The following TEKT5 variants were observed in gnomAD, a reference collection of about 807,000 sequenced individuals.
TEKT5 encodes tektin-5.
Under a neutral mutation model 48.7 loss-of-function variants are expected in TEKT5, and 52 were observed. That is an observed-to-expected ratio of 1.07 (90% CI 0.86 to 1.35). TEKT5 has a LOEUF of 1.35. TEKT5 is among the 40% of genes most tolerant of loss of function. The probability of loss-of-function intolerance (pLI) is 0.00; values close to 1 mark genes in which losing one functional copy is unlikely to be tolerated. For missense variants in TEKT5, 831 were observed against 641.6 expected, an observed-to-expected ratio of 1.30 and a Z score of -3.19; for synonymous variants, 318 against 267.6, an observed-to-expected ratio of 1.19 and a Z score of -1.84.
At chr16:10,663,358 T>C (rs1400767099) in intron 5 of TEKT5, among the ~76,000 whole-genome samples, 1 of 152,222 alleles carries the variant, frequency 6.6e-6, no homozygotes, top group Non-Finnish European at 1.5e-5. Context: ...ATTTAGTAGT[T>C]CCAGCCAGCT....
In TEKT5 at chr16:10,659,608, G is replaced by A. The variant is rs541328245; in HGVS notation, c.1086+16351C>T. On this transcript the variant is annotated intron_variant, in intron 5 of 6. Coordinates refer to ENST00000283025, the MANE Select transcript of TEKT5 (RefSeq NM_144674.2). Reference sequence around the variant, plus strand: ...GTTAGCCTGACCTCGTGATCTGCCCGCCTCAACCTCCCAAAGTGCTGGGAT... The same window carrying A: ...GTTAGCCTGACCTCGTGATCTGCCCACCTCAACCTCCCAAAGTGCTGGGAT... Among the ~76,000 whole-genome samples the A allele has an allele frequency of 7.2e-5, 11 of 152,164 alleles. No individual in the cohort carries two copies. The South Asian group carries it at 1.9e-3, about 26-fold the overall frequency.
chr16:10,677,898 G>A (rs539327044), intron 4 of TEKT5, among the ~76,000 whole-genome samples: 1 of 152,266 alleles, frequency 6.6e-6, no homozygotes, highest in East Asian at 1.9e-4. Flanking sequence ...CTCACAGCGT[G>A]GTAGCTGGAG....
At chr16:10,636,117 G>A (rs1897909953) in intron 5 of TEKT5, among the ~76,000 whole-genome samples, 199 bp from the exon 6 acceptor site, 1 of 152,184 alleles carries the variant, frequency 6.6e-6, no homozygotes, top group African/African-American at 2.4e-5. Flanking sequence ...GCTCATGCCT[G>A]TAATCCCAGC....
chr16:10,638,898 C>T (rs186140144), intron 5 of TEKT5, among the ~76,000 whole-genome samples: 2 of 152,316 alleles, frequency 1.3e-5, no homozygotes, highest in Admixed American at 1.3e-4. Flanking sequence ...GTACTATCTG[C>T]AAGTGATGGG....
intron 6 of TEKT5, among the ~76,000 whole-genome samples, chr16:10,631,664 T>C (rs1304601947): frequency 1.3e-5 from 2 of 151,938 alleles, no homozygotes; most frequent in Non-Finnish European, 2.9e-5. Flanking sequence ...GATCTCCTGA[T>C]AAGAGAAAGG....
At position 10,627,694 on chromosome 16, in the gene TEKT5, C is replaced by A; in HGVS notation, c.1347G>T (p.Arg449=). The A allele has an allele frequency of 6.2e-7, 1 of 1,614,222 alleles. No individual in the cohort carries two copies. Among genetic ancestry groups the A allele is most frequent in the Non-Finnish European group, 8.5e-7 (1 of 1,180,046 alleles). ...TLQLLVMTKC[R]LEHELAIKAN... is the part of the protein sequence containing the mutation. ...CCTTGATGGCGAGCTCGTGCTCCAG[C>A]CGGCACTTGGTCATGACCAGCAGCT... The change falls in exon 7 of 7, where the codon CGG becomes CGT. Residue 449 remains arginine (R), a synonymous_variant. Coordinates refer to ENST00000283025, the MANE Select transcript of TEKT5 (RefSeq NM_144674.2).
intron 3 of TEKT5, among the ~76,000 whole-genome samples, chr16:10,688,364 T>C (rs1405044446): frequency 6.6e-6 from 1 of 152,242 alleles, no homozygotes; most frequent in East Asian, 1.9e-4. Flanking sequence ...CAAGGGCTCC[T>C]AGAGGAGGAG....
chr16:10,629,268 T>A (rs552242182), intron 6 of TEKT5, among the ~76,000 whole-genome samples: 2 of 151,720 alleles, frequency 1.3e-5, no homozygotes, highest in Non-Finnish European at 2.9e-5. Context: ...TTTTTTTTTT[T>A]GAGATGGAGT....
intron 3 of TEKT5, among the ~76,000 whole-genome samples, chr16:10,688,471 C>T (rs976097229): frequency 1.3e-5 from 2 of 152,330 alleles, no homozygotes; most frequent in African/African-American, 4.8e-5. Flanking sequence ...CCCATGTGCA[C>T]CAGGCAGCGG....
chr16:10,694,113 C>G (rs1899029858), intron 1 of TEKT5, among the ~76,000 whole-genome samples, 197 bp downstream of exon 1: 1 of 152,310 alleles, frequency 6.6e-6, no homozygotes, highest in South Asian at 2.1e-4. Context: ...AAAGGAAATT[C>G]TATTCAGTCC....
At chr16:10,656,618 G>C (rs112178741) in intron 5 of TEKT5, among the ~76,000 whole-genome samples, 4,500 of 152,218 alleles carry the variant, frequency 0.03, 205 homozygotes, top group African/African-American at 0.1. Flanking sequence ...TGAACCCCTA[G>C]AAATGAATAC....
chr16:10,688,021 T>G (rs1364485376), intron 3 of TEKT5, among the ~76,000 whole-genome samples: 1 of 152,228 alleles, frequency 6.6e-6, no homozygotes, highest in East Asian at 1.9e-4. Flanking sequence ...AAATGTGCAA[T>G]AAATTATTGT....
intron 5 of TEKT5, among the ~76,000 whole-genome samples, chr16:10,637,434 G>GGGAGGGGAGGAGGAAGGA: frequency 6.6e-6 from 1 of 152,080 alleles, no homozygotes; most frequent in East Asian, 1.9e-4. Flanking sequence ...CAAGAAGGGA[G>GGGAGGGGAGGAGGAAGGA]GGAGGGGAGG....
chr16:10,627,806 T>C lies in TEKT5; in HGVS notation c.1242-7A>G, dbSNP rs1220085511. ...GAACACCTCGTTCACCAGCCTGGGGTGAGGGCAGAGGAGAAGGCACAGGTT... is the reference window on the plus strand; with the variant it reads ...GAACACCTCGTTCACCAGCCTGGGGCGAGGGCAGAGGAGAAGGCACAGGTT... On this transcript the variant is annotated splice_polypyrimidine_tract_variant and splice_region_variant and intron_variant, in intron 6 of 6. Coordinates refer to ENST00000283025, the MANE Select transcript of TEKT5 (RefSeq NM_144674.2). The C allele has an allele frequency of 1.5e-5, 25 of 1,613,474 alleles. No homozygotes were observed. Among genetic ancestry groups the C allele is most frequent in the Non-Finnish European group, 2.1e-5 (25 of 1,179,658 alleles).
At chr16:10,632,068 A>G (rs1897847991) in intron 6 of TEKT5, among the ~76,000 whole-genome samples, 1 of 152,174 alleles carries the variant, frequency 6.6e-6, no homozygotes, top group Non-Finnish European at 1.5e-5. Flanking sequence ...AAGCTGGGTG[A>G]ACTTCCCCAT....
At position 10,640,097 on chromosome 16, in the gene TEKT5, T is replaced by TTC. The variant is rs1481891365; in HGVS notation, c.1087-4180_1087-4179insGA. On this transcript the variant is annotated intron_variant, in intron 5 of 6. Coordinates refer to ENST00000283025, the MANE Select transcript of TEKT5 (RefSeq NM_144674.2). ...TCCTTCTTCTCCTTCCTTCCTTCCC[T>TTC]CTCCCCTCCTCCCGTCTTCCTCCTC... Among the ~76,000 whole-genome samples, 1,358 of 140,342 alleles carry TTC rather than the reference T, an allele frequency of 9.7e-3. 49 individuals are homozygous for TTC. The highest frequency in any genetic ancestry group is 0.036 in the African/African-American group (1,296 of 35,756). The allele number at this position is 140,342 out of a possible 152,430, so 92.1% of individuals were successfully genotyped here.
intron 5 of TEKT5, among the ~76,000 whole-genome samples, chr16:10,662,439 G>A (rs1487177870): frequency 6.6e-6 from 1 of 152,160 alleles, no homozygotes; most frequent in Non-Finnish European, 1.5e-5. Context: ...CCAGGTTGGG[G>A]AGAACAATTG....
intron 5 of TEKT5, among the ~76,000 whole-genome samples, chr16:10,661,445 C>T (rs1898368439): frequency 6.6e-6 from 1 of 152,136 alleles, no homozygotes; most frequent in South Asian, 2.1e-4. Context: ...TTACAAACTC[C>T]CAAGCTATTC....
chr16:10,668,903 G>A (rs1023895555), intron 5 of TEKT5, among the ~76,000 whole-genome samples: 5 of 151,818 alleles, frequency 3.3e-5, no homozygotes, highest in African/African-American at 1.2e-4. Flanking sequence ...GGGAGTGGTG[G>A]GGTCTGAGGC....
Sources: gnomAD v4.1 joint callset for allele counts (sites outside exome capture counted in the v4.1 genomes callset) on GRCh38, gnomAD v4.1.1 for gene constraint, MANE v1.5 for transcripts, NCBI Gene and HGNC (gene_info 2026-07-23, HGNC 2026-07-21) for gene names.